PTPN12: variants seen among roughly 807,000 people sequenced by gnomAD.
The protein encoded by PTPN12 is tyrosine-protein phosphatase non-receptor type 12.
Under a neutral mutation model 97.6 loss-of-function variants are expected in PTPN12, and 29 were observed. The observed-to-expected ratio is 0.30, with a 90% CI of 0.22 to 0.41. The LOEUF (loss-of-function observed/expected upper bound fraction) is 0.41, where lower values mean the gene tolerates loss of function less well. Among genes scored for constraint, PTPN12 ranks in the 10% least tolerant of loss-of-function variants. PTPN12 has a pLI of 1.00. For synonymous variants in PTPN12, 327 were observed against 300.4 expected (o/e 1.09, Z -0.91); for missense variants, 819 against 926.0 (o/e 0.88, Z 1.50).
At chr7:77,547,654 A>G (rs560968007) in intron 1 of PTPN12, among the ~76,000 whole-genome samples, 1 of 152,334 alleles carries the variant, frequency 6.6e-6, no homozygotes, top group East Asian at 1.9e-4. Flanking sequence ...GAGATGACAT[A>G]CTGCTCCAGT....
At chr7:77,600,859 A>C in intron 8 of PTPN12, 53 bp downstream of exon 8, 1 of 1,425,210 alleles carries the variant, frequency 7.0e-7, no homozygotes, top group South Asian at 1.3e-5. Context: ...TTGATGTTAC[A>C]CAAGGTTTTA....
At chr7:77,634,296 AAG>A (rs1396167792) in intron 14 of PTPN12, among the ~76,000 whole-genome samples, 2 of 152,100 alleles carry the variant, frequency 1.3e-5, no homozygotes, top group Non-Finnish European at 2.9e-5. Context: ...TCCTCTAAAA[AAG>A]AGTGCAGAAA....
At chr7:77,547,437 C>G (rs1056765028) in intron 1 of PTPN12, among the ~76,000 whole-genome samples, 3 of 152,032 alleles carry the variant, frequency 2.0e-5, no homozygotes, top group African/African-American at 7.3e-5. Context: ...GTTCATAGCT[C>G]TTAGTTTCTC....
At chr7:77,632,255 T>G in intron 13 of PTPN12, 93 bp from the exon 14 acceptor site, 5 of 970,394 alleles carry the variant, frequency 5.2e-6, no homozygotes, top group Middle Eastern at 2.7e-4. Context: ...GATCTAGATA[T>G]TTGTGACAGG....
At chr7:77,555,613 A>G (rs1175966111) in intron 1 of PTPN12, among the ~76,000 whole-genome samples, 1 of 152,132 alleles carries the variant, frequency 6.6e-6, no homozygotes, top group Non-Finnish European at 1.5e-5. Context: ...GTTTTTTAAA[A>G]AAATCTCTAG....
intron 1 of PTPN12, among the ~76,000 whole-genome samples, chr7:77,564,460 T>C (rs1808139916): frequency 6.6e-6 from 1 of 152,104 alleles, no homozygotes; most frequent in Non-Finnish European, 1.5e-5. Context: ...CAATGGTTAT[T>C]GAATGTGAAC....
intron 3 of PTPN12, 68 bp from the exon 4 acceptor site, chr7:77,583,487 A>G (rs987364425): frequency 3.1e-6 from 3 of 965,898 alleles, no homozygotes; most frequent in African/African-American, 1.7e-5. Flanking sequence ...TTGAAACCTT[A>G]TATTTTGGGT....
rs534701774 is a variant in PTPN12, at chr7:77,537,514, G to T, written c.-33G>T. On this transcript the variant is annotated 5_prime_UTR_variant, in exon 1 of 18. Coordinates refer to ENST00000248594, the MANE Select transcript of PTPN12 (RefSeq NM_002835.4). ...GTGCCGGGCGGGCGGGCGGCGGGGG[G>T]GCCAGCGACCGCAGCCGGGGGGACG... 1.3e-5 allele frequency: 20 copies of T among 1,562,406 alleles called. No homozygotes were observed. The highest frequency in any genetic ancestry group is 2.0e-4 in the Middle Eastern group (1 of 4,922).
chr7:77,581,357 C>A, intron 2 of PTPN12, 70 bp from the exon 3 acceptor site: 2 of 996,108 alleles, frequency 2.0e-6, no homozygotes, highest in Non-Finnish European at 3.0e-6. Flanking sequence ...GTCTATTTAA[C>A]CTTACTTACG....
rs531295511 is a variant in PTPN12 at position 77,626,581 on chromosome 7, A to C, written c.1026-124A>C. 3.2e-5 allele frequency: 31 copies of C among 982,516 alleles called. 1 individual carries two copies. In the South Asian group the frequency reaches 5.1e-4, roughly 16 times the overall value. The allele number at this position is 982,516 out of a possible 1,614,324, so 60.9% of individuals were successfully genotyped here. A position where few individuals can be genotyped will look rare whatever the true frequency, so the allele number is the denominator to read the frequency against. On this transcript the variant is annotated intron_variant, in intron 12 of 17. Coordinates refer to ENST00000248594, the MANE Select transcript of PTPN12 (RefSeq NM_002835.4). ...ACATTAAATTTTCTTAGTCTGAAAA[A>C]CTGCAGTTTTTATTCGCAACCAGAT...
At chr7:77,548,396 C>A (rs1169653823) in intron 1 of PTPN12, among the ~76,000 whole-genome samples, 1 of 152,166 alleles carries the variant, frequency 6.6e-6, no homozygotes, top group African/African-American at 2.4e-5. Flanking sequence ...TGCTACAAAA[C>A]CATGAAGAAT....
At chr7:77,552,959 G>A (rs1367655548) in intron 1 of PTPN12, among the ~76,000 whole-genome samples, 1 of 152,200 alleles carries the variant, frequency 6.6e-6, no homozygotes, top group Non-Finnish European at 1.5e-5. Context: ...TAAGTGAGAA[G>A]TTAAATAAAT....
At chr7:77,632,546 G>A (rs1194139995) in intron 14 of PTPN12, 121 bp downstream of exon 14, 4 of 712,850 alleles carry the variant, frequency 5.6e-6, no homozygotes, top group Non-Finnish European at 7.2e-6. Context: ...CAAGTAAATT[G>A]ATGTTGACAT....
chr7:77,634,400 TG>T (rs1353810121), intron 14 of PTPN12, among the ~76,000 whole-genome samples: 1 of 152,174 alleles, frequency 6.6e-6, no homozygotes, highest in Non-Finnish European at 1.5e-5. Context: ...GACTGATTTT[TG>T]TTTTGTTTCA....
chr7:77,575,619 C>G (rs1382993692), intron 2 of PTPN12, among the ~76,000 whole-genome samples: 1 of 152,010 alleles, frequency 6.6e-6, no homozygotes, highest in African/African-American at 2.4e-5. Flanking sequence ...ATTTACATAC[C>G]CATGAAATTT....
intron 12 of PTPN12, among the ~76,000 whole-genome samples, chr7:77,622,939 TAGAA>T (rs1228863654): frequency 6.8e-6 from 1 of 146,224 alleles, no homozygotes; most frequent in Non-Finnish European, 1.5e-5. Flanking sequence ...ATAAGGAAAT[TAGAA>T]AGCAAAACTA....
At chr7:77,639,169 T>C (rs1462841673) in intron 17 of PTPN12, 50 bp from the exon 18 acceptor site, 3 of 1,413,174 alleles carry the variant, frequency 2.1e-6, no homozygotes, top group African/African-American at 1.4e-5. Context: ...TTTTAGTAGT[T>C]TGAAAGTATT....
rs556898613 is a variant in PTPN12, at chr7:77,629,840, C to A, written c.1996+2165C>A. 2.7e-5 allele frequency among the ~76,000 whole-genome samples: 4 copies of A among 150,704 alleles called. No homozygotes were observed. The East Asian group carries it at 7.9e-4, about 30-fold the overall frequency. On this transcript the variant is annotated intron_variant, in intron 13 of 17. Coordinates refer to ENST00000248594, the MANE Select transcript of PTPN12 (RefSeq NM_002835.4). ...CTTGTGGTCCCAGCTACTCTGGAGG[C>A]TGAGGTAGGAAGATCACTTGAGCCT...
intron 11 of PTPN12, among the ~76,000 whole-genome samples, chr7:77,611,850 A>G (rs1275653628): frequency 2.6e-5 from 4 of 152,158 alleles, no homozygotes; most frequent in Admixed American, 6.6e-5. Flanking sequence ...GTAACATCTT[A>G]CTGGATATTC....
Sources: allele counts gnomAD v4.1 joint callset (sites outside exome capture counted in the v4.1 genomes callset), GRCh38; gene constraint gnomAD v4.1.1; transcripts MANE v1.5; gene names NCBI Gene and HGNC (gene_info 2026-07-23, HGNC 2026-07-21).